Variants in PDE4B observed in about 807,000 individuals in gnomAD.
The protein encoded by PDE4B is phosphodiesterase 4B, also known as 3',5'-cyclic-AMP phosphodiesterase 4B.
A neutral mutation model predicts 82.2 loss-of-function variants in PDE4B; 20 were observed. The observed-to-expected ratio is 0.24, with a 90% CI of 0.17 to 0.35. PDE4B has a LOEUF of 0.35. Ranked by LOEUF, PDE4B falls within the 10% of genes least tolerant of loss-of-function variation. The pLI is 1.00. For missense variants in PDE4B, 655 were observed against 907.2 expected (o/e 0.72, Z 3.57); for synonymous variants, 320 against 318.9 (o/e 1.00, Z -0.04).
At chr1:66,134,714 C>A (rs1355890551) in intron 3 of PDE4B, among the ~76,000 whole-genome samples, 1 of 152,134 alleles carries the variant, frequency 6.6e-6, no homozygotes, top group African/African-American at 2.4e-5. Context: ...TCAAATGAAA[C>A]AATGTGATGA....
intron 3 of PDE4B, among the ~76,000 whole-genome samples, chr1:66,206,188 G>T (rs1022164491): frequency 2.0e-5 from 3 of 152,110 alleles, no homozygotes; most frequent in East Asian, 3.9e-4. Context: ...TTCTCTCAGG[G>T]TCACCTTTTT....
At chr1:66,136,867 G>A (rs1646069210) in intron 3 of PDE4B, among the ~76,000 whole-genome samples, 1 of 152,064 alleles carries the variant, frequency 6.6e-6, no homozygotes, top group Non-Finnish European at 1.5e-5. Context: ...GGAGAGTAAG[G>A]AGTCAAATAA....
In PDE4B at chr1:66,372,301, A is replaced by T; in HGVS notation, c.1846-12A>T. 1 of 1,589,356 alleles carries T rather than the reference A, an allele frequency of 6.3e-7. No homozygotes were observed. The highest frequency in any genetic ancestry group is 8.6e-7 in the Non-Finnish European group (1 of 1,165,110). ...ATCACAATAACAGATGTGTCATCTT[A>T]TTTTTCTCCAGGTTGGTTTCATCGA... On this transcript the variant is annotated splice_polypyrimidine_tract_variant and intron_variant, in intron 16 of 16. Coordinates refer to ENST00000341517, the MANE Select transcript of PDE4B (RefSeq NM_002600.4).
intron 3 of PDE4B, among the ~76,000 whole-genome samples, chr1:66,053,145 A>G (rs960544366): frequency 1.2e-4 from 19 of 152,178 alleles, no homozygotes; most frequent in Non-Finnish European, 2.2e-4. Context: ...AGATCCATTT[A>G]TCTTTCCTGA....
intron 3 of PDE4B, among the ~76,000 whole-genome samples, chr1:65,980,185 C>A (rs1460003308): frequency 6.6e-6 from 1 of 152,088 alleles, no homozygotes; most frequent in Non-Finnish European, 1.5e-5. Context: ...GAAAACACGA[C>A]ATTATGCACA....
At chr1:66,074,073 G>C (rs1003927725) in intron 3 of PDE4B, among the ~76,000 whole-genome samples, 4 of 152,082 alleles carry the variant, frequency 2.6e-5, no homozygotes, top group African/African-American at 9.7e-5. Flanking sequence ...GATAGCACCT[G>C]ATCTTCAGGC....
chr1:65,856,168 C>A (rs960695866), intron 1 of PDE4B, among the ~76,000 whole-genome samples: 1 of 152,154 alleles, frequency 6.6e-6, no homozygotes, highest in Non-Finnish European at 1.5e-5. Context: ...GGTGAACATG[C>A]AATCAATGTG....
At chr1:66,200,145 C>A (rs571602907) in intron 3 of PDE4B, among the ~76,000 whole-genome samples, 28 of 152,210 alleles carry the variant, frequency 1.8e-4, no homozygotes, top group Admixed American at 9.8e-4. Context: ...TGTCAAAGAT[C>A]AGATAGTTGT....
chr1:65,960,019 G>C (rs1302006594), intron 3 of PDE4B, among the ~76,000 whole-genome samples: 1 of 152,062 alleles, frequency 6.6e-6, no homozygotes, highest in Non-Finnish European at 1.5e-5. Context: ...TCACATATTT[G>C]ATTTGGTCTA....
chr1:65,875,728 A>G (rs1646632482), intron 1 of PDE4B, among the ~76,000 whole-genome samples: 1 of 145,024 alleles, frequency 6.9e-6, no homozygotes, highest in African/African-American at 2.6e-5. Context: ...GCATATTCTC[A>G]CTCATAGGTG....
rs527616944 is a variant in PDE4B, at chr1:66,188,466, G to A, written c.282-58994G>A. 3.4e-3 allele frequency among the ~76,000 whole-genome samples: 513 copies of A among 152,206 alleles called. 3 individuals carry two copies. The highest frequency in any genetic ancestry group is 0.014 in the Middle Eastern group (4 of 294). On this transcript the variant is annotated intron_variant, in intron 3 of 16. Coordinates refer to ENST00000341517, the MANE Select transcript of PDE4B (RefSeq NM_002600.4). The stretch of plus-strand genomic sequence containing the variant: ...AGTCTCCCATTATTATTGTGTGGGA[G>A]TCTAAGTCTCTTTGTAGGTCACACA...
chr1:65,819,955 G>A (rs563318887), intron 1 of PDE4B, among the ~76,000 whole-genome samples: 23 of 152,312 alleles, frequency 1.5e-4, no homozygotes, highest in Non-Finnish European at 2.5e-4. Flanking sequence ...ATAAGAGACA[G>A]TATCAACAGA....
At chr1:66,362,886 A>G (rs541463407) in intron 10 of PDE4B, among the ~76,000 whole-genome samples, 2 of 152,322 alleles carry the variant, frequency 1.3e-5, no homozygotes, top group African/African-American at 4.8e-5. Flanking sequence ...TGAAAGCAAC[A>G]TTGGTTGAAG....
intron 1 of PDE4B, among the ~76,000 whole-genome samples, chr1:65,885,233 A>T (rs1213494358): frequency 6.6e-6 from 1 of 152,230 alleles, no homozygotes; most frequent in Non-Finnish European, 1.5e-5. Flanking sequence ...GAGGATGTGA[A>T]GAAATAGGAA....
chr1:66,313,050 CA>C (rs1168466821), intron 7 of PDE4B, among the ~76,000 whole-genome samples: 1 of 152,206 alleles, frequency 6.6e-6, no homozygotes, highest in Non-Finnish European at 1.5e-5. Flanking sequence ...CCTGCCTCTC[CA>C]GCAGTTCCTC....
At chr1:66,294,845 T>C (rs539200141) in intron 7 of PDE4B, among the ~76,000 whole-genome samples, 117 of 151,998 alleles carry the variant, frequency 7.7e-4, no homozygotes, top group Admixed American at 2.1e-3. Context: ...AATCTCTCAG[T>C]AAAAGAAAAA....
chr1:66,330,827 G>A (rs916268405), intron 7 of PDE4B: 9 of 978,104 alleles, frequency 9.2e-6, no homozygotes, highest in Middle Eastern at 5.2e-4. Flanking sequence ...TGAAGATGAA[G>A]AAAGGAAGGA....
At chr1:65,941,079 G>C (rs759804821) in intron 3 of PDE4B, among the ~76,000 whole-genome samples, 16 of 151,998 alleles carry the variant, frequency 1.1e-4, no homozygotes, top group Non-Finnish European at 2.4e-4. Context: ...AGGATGATGG[G>C]AAGACAGAGG....
intron 3 of PDE4B, among the ~76,000 whole-genome samples, chr1:65,986,502 AT>A (rs1650961864): frequency 6.6e-6 from 1 of 152,208 alleles, no homozygotes; most frequent in Admixed American, 6.5e-5. Context: ...AATATACAAC[AT>A]TTTGAAAATG....
Sources: allele counts gnomAD v4.1 joint callset (sites outside exome capture counted in the v4.1 genomes callset), GRCh38; gene constraint gnomAD v4.1.1; transcripts MANE v1.5; gene names NCBI Gene and HGNC (gene_info 2026-07-23, HGNC 2026-07-21).